Variants in LRRC1 observed in about 807,000 individuals in gnomAD.
The protein encoded by LRRC1 is leucine rich repeat containing 1, also known as leucine-rich repeat-containing protein 1.
Under a neutral mutation model 69.9 loss-of-function variants are expected in LRRC1, and 28 were observed. That is an observed-to-expected ratio of 0.40 (90% confidence interval 0.30 to 0.55). LRRC1 has a LOEUF of 0.55. Ranked by LOEUF, LRRC1 falls within the 20% of genes least tolerant of loss-of-function variation. LRRC1 has a pLI of 0.47. For synonymous variants in LRRC1, 236 were observed against 240.2 expected, an observed-to-expected ratio of 0.98 and a Z score of 0.16; for missense variants, 498 against 609.0, an observed-to-expected ratio of 0.82 and a Z score of 1.92.
In LRRC1 at chr6:53,883,694, A is replaced by G. The variant is rs1767374323; in HGVS notation, c.446+718A>G. On this transcript the variant is annotated intron_variant, in intron 4 of 13. Transcript: ENST00000370888. ...TTAAATCAGGTTGATGCAGTAGCTC[A>G]TGGTTAACCACTTAAAAATAAAAGT... Among the ~76,000 whole-genome samples the G allele has an allele frequency of 2.0e-5, 3 of 152,318 alleles. No individual in the cohort carries two copies. In the South Asian group the frequency reaches 6.2e-4, roughly 32 times the overall value.
intron 9 of LRRC1, 55 bp downstream of exon 9, chr6:53,902,802 A>G: frequency 1.8e-6 from 2 of 1,141,566 alleles, no homozygotes; most frequent in Non-Finnish European, 1.3e-6. Context: ...ATTCTACTTA[A>G]TTTGTAATTT....
chr6:53,867,788 C>T (rs1223382745), intron 2 of LRRC1, among the ~76,000 whole-genome samples: 3 of 151,910 alleles, frequency 2.0e-5, no homozygotes, highest in Middle Eastern at 6.8e-3. Flanking sequence ...GACCCTGTCT[C>T]TACAAAACAT....
At chr6:53,898,354 A>G (rs1156334048) in intron 7 of LRRC1, among the ~76,000 whole-genome samples, 1 of 152,214 alleles carries the variant, frequency 6.6e-6, no homozygotes, top group African/African-American at 2.4e-5. Context: ...TCCTGGTTGA[A>G]AGGATGCTAG....
At chr6:53,879,503 C>G (rs35236104) in intron 3 of LRRC1, among the ~76,000 whole-genome samples, 53,778 of 151,876 alleles carry the variant, frequency 0.35, 9,933 homozygotes, top group South Asian at 0.43. Context: ...CCAGGATGAT[C>G]TCGATCTCCT....
chr6:53,847,542 C>G (rs1398203040), intron 2 of LRRC1, among the ~76,000 whole-genome samples: 1 of 152,166 alleles, frequency 6.6e-6, no homozygotes. Flanking sequence ...TTAACAAGAA[C>G]TTAAAGGTAA....
At chr6:53,823,700 G>A (rs2127409709) in intron 1 of LRRC1, among the ~76,000 whole-genome samples, 1 of 152,140 alleles carries the variant, frequency 6.6e-6, no homozygotes, top group South Asian at 2.1e-4. Context: ...CCCTTTGTGT[G>A]TCCATATGTT....
intron 1 of LRRC1, among the ~76,000 whole-genome samples, chr6:53,802,799 A>T (rs1308945519): frequency 6.6e-6 from 1 of 152,186 alleles, no homozygotes; most frequent in Non-Finnish European, 1.5e-5. Context: ...GGAGTAGAGG[A>T]TGCTTTCAAA....
rs115299703 is a variant in LRRC1, at chr6:53,823,327, A to G, written c.160-18783A>G. Among the ~76,000 whole-genome samples, 329 of 152,346 alleles carry G rather than the reference A, an allele frequency of 2.2e-3. 2 individuals carry two copies. Among genetic ancestry groups the G allele is most frequent in the African/African-American group, 7.6e-3 (314 of 41,584 alleles). ...ATTAAAGAACTTAATATATTGCAGC[A>G]TGGATCCTTATGAAAAAGACAAGTT... On this transcript the variant is annotated intron_variant, in intron 1 of 13. Transcript: ENST00000370888.
intron 2 of LRRC1, among the ~76,000 whole-genome samples, chr6:53,859,763 T>C (rs1208336063): frequency 6.6e-6 from 1 of 152,218 alleles, no homozygotes; most frequent in Non-Finnish European, 1.5e-5. Flanking sequence ...ATTGACTTTT[T>C]ATAATGACTA....
chr6:53,828,263 G>C (rs572969087), intron 1 of LRRC1, among the ~76,000 whole-genome samples: 1 of 152,008 alleles, frequency 6.6e-6, no homozygotes, highest in East Asian at 1.9e-4. Context: ...TGTTGGAAAG[G>C]AGCACAGAGA....
At chr6:53,921,370 T>C (rs749065802) in intron 13 of LRRC1, among the ~76,000 whole-genome samples, 3 of 152,214 alleles carry the variant, frequency 2.0e-5, no homozygotes, top group Non-Finnish European at 4.4e-5. Context: ...GAAACTTTTT[T>C]TTTAATTGTT....
At chr6:53,829,428 C>T (rs1238354821) in intron 1 of LRRC1, among the ~76,000 whole-genome samples, 2 of 152,046 alleles carry the variant, frequency 1.3e-5, no homozygotes, top group Non-Finnish European at 2.9e-5. Context: ...CTTTGAAAAC[C>T]TGTCTAGTAA....
At chr6:53,855,628 C>T (rs1766285813) in intron 2 of LRRC1, among the ~76,000 whole-genome samples, 2 of 152,168 alleles carry the variant, frequency 1.3e-5, no homozygotes, top group South Asian at 2.1e-4. Context: ...TGCCTGTTTA[C>T]CTGGGTAGGA....
intron 1 of LRRC1, among the ~76,000 whole-genome samples, chr6:53,796,482 C>T (rs968643287): frequency 6.6e-6 from 1 of 152,196 alleles, no homozygotes; most frequent in African/African-American, 2.4e-5. Flanking sequence ...CTTTGGAACG[C>T]AAACTTCTTG....
At chr6:53,808,393 C>T (rs1018307170) in intron 1 of LRRC1, among the ~76,000 whole-genome samples, 2 of 152,024 alleles carry the variant, frequency 1.3e-5, no homozygotes, top group African/African-American at 2.4e-5. Context: ...TGAGTTGAGT[C>T]ATGGCAGAAG....
intron 2 of LRRC1, among the ~76,000 whole-genome samples, chr6:53,870,200 A>C (rs1766836372): frequency 6.6e-6 from 1 of 151,940 alleles, no homozygotes; most frequent in Non-Finnish European, 1.5e-5. Flanking sequence ...GCTGAATTCC[A>C]GACCAGCTCG....
At chr6:53,903,198 A>T (rs1375070011) in intron 9 of LRRC1, among the ~76,000 whole-genome samples, 1 of 152,156 alleles carries the variant, frequency 6.6e-6, no homozygotes, top group Non-Finnish European at 1.5e-5. Flanking sequence ...GGGGGCTGGG[A>T]AACGCTCTTG....
At chr6:53,848,528 T>C (rs2127418429) in intron 2 of LRRC1, among the ~76,000 whole-genome samples, 1 of 152,318 alleles carries the variant, frequency 6.6e-6, no homozygotes. Context: ...TTTTACACTT[T>C]TTACCCATTT....
intron 2 of LRRC1, among the ~76,000 whole-genome samples, chr6:53,845,048 A>G (rs1765899110): frequency 6.6e-6 from 1 of 152,184 alleles, no homozygotes; most frequent in Non-Finnish European, 1.5e-5. Flanking sequence ...TACTAAAAAT[A>G]CAAAAATTAA....
Sources: gnomAD v4.1 joint callset for allele counts (sites outside exome capture counted in the v4.1 genomes callset) on GRCh38, gnomAD v4.1.1 for gene constraint, MANE v1.5 for transcripts, NCBI Gene and HGNC (gene_info 2026-07-23, HGNC 2026-07-21) for gene names.